PCSK5: variants seen among roughly 807,000 people sequenced by gnomAD.
PCSK5 encodes the protein prohormone convertase 5.
In PCSK5, 129 loss-of-function variants were observed where a neutral mutation model predicts 233.2. The ratio of observed to expected loss-of-function variants is 0.55; its 90% CI spans 0.48 to 0.64. PCSK5 has a LOEUF of 0.64. Among genes scored for constraint, PCSK5 ranks in the 30% least tolerant of loss-of-function variants. PCSK5 has a pLI of 0.00. For synonymous variants in PCSK5, 825 were observed against 879.2 expected (o/e 0.94, Z 1.09); for missense variants, 2,076 against 2,430.1 (o/e 0.85, Z 3.06).
At chr9:75,906,583 C>G (rs1438680363) in intron 1 of PCSK5, among the ~76,000 whole-genome samples, 1 of 152,074 alleles carries the variant, frequency 6.6e-6, no homozygotes, top group African/African-American at 2.4e-5. Flanking sequence ...CAGATGAGGT[C>G]TTTGTAAAGG....
chr9:75,990,462 A>T (rs1488640780), intron 3 of PCSK5, among the ~76,000 whole-genome samples: 1 of 152,194 alleles, frequency 6.6e-6, no homozygotes, highest in Non-Finnish European at 1.5e-5. Flanking sequence ...TATGGAGATG[A>T]TAGCTGTATA....
intron 11 of PCSK5, 144 bp downstream of exon 11, chr9:76,157,306 C>T (rs1291660515): frequency 5.6e-5 from 35 of 626,946 alleles, no homozygotes; most frequent in African/African-American, 2.6e-4. Context: ...GGTAATAGAA[C>T]GGCTAGGATT....
At chr9:76,022,750 GT>G (rs1185412959) in intron 3 of PCSK5, among the ~76,000 whole-genome samples, 1 of 152,146 alleles carries the variant, frequency 6.6e-6, no homozygotes, top group African/African-American at 2.4e-5. Context: ...ATGAGCTCAG[GT>G]TCCATGTTTT....
At chr9:76,270,103 C>G (rs1311419087) in intron 24 of PCSK5, among the ~76,000 whole-genome samples, 1 of 151,654 alleles carries the variant, frequency 6.6e-6, no homozygotes, top group Non-Finnish European at 1.5e-5. Flanking sequence ...TTTCAGATAA[C>G]AGGACTTGTT....
chr9:75,953,868 G>A (rs1824977725), intron 2 of PCSK5, among the ~76,000 whole-genome samples: 1 of 152,150 alleles, frequency 6.6e-6, no homozygotes, highest in Non-Finnish European at 1.5e-5. Context: ...TAAGAGTTGA[G>A]TAGAGATGGC....
intron 9 of PCSK5, among the ~76,000 whole-genome samples, chr9:76,117,966 GGA>G (rs1832492888): frequency 6.6e-6 from 1 of 152,092 alleles, no homozygotes; most frequent in Admixed American, 6.6e-5. Flanking sequence ...CGAGCTTCCT[GGA>G]GAGAGTATGA....
At chr9:76,192,724 A>G (rs527434585) in intron 20 of PCSK5, among the ~76,000 whole-genome samples, 11 of 152,240 alleles carry the variant, frequency 7.2e-5, no homozygotes, top group Admixed American at 1.3e-4. Context: ...AACAAAACAG[A>G]ATGTTACATA....
chr9:76,009,289 C>G (rs1367479100), intron 3 of PCSK5, among the ~76,000 whole-genome samples: 1 of 151,318 alleles, frequency 6.6e-6, no homozygotes, highest in Non-Finnish European at 1.5e-5. Context: ...TGGACTAAAA[C>G]TTTTTTTTTC....
At chr9:75,905,480 G>T (rs922970128) in intron 1 of PCSK5, among the ~76,000 whole-genome samples, 4 of 152,242 alleles carry the variant, frequency 2.6e-5, no homozygotes, top group Non-Finnish European at 5.9e-5. Context: ...TGGTGCCACT[G>T]CATTCCAGCC....
At chr9:75,989,696 A>G (rs1180943802) in intron 3 of PCSK5, among the ~76,000 whole-genome samples, 1 of 152,138 alleles carries the variant, frequency 6.6e-6, no homozygotes, top group Non-Finnish European at 1.5e-5. Context: ...GGGCCTCACC[A>G]CAGGGCTGTG....
At chr9:76,148,532 C>A (rs1304377250) in intron 10 of PCSK5, among the ~76,000 whole-genome samples, 1 of 151,966 alleles carries the variant, frequency 6.6e-6, no homozygotes, top group East Asian at 1.9e-4. Flanking sequence ...TGCACAAGGC[C>A]CTCTCTATGT....
chr9:76,351,287 C>T (rs1830114900), intron 36 of PCSK5, among the ~76,000 whole-genome samples: 1 of 151,812 alleles, frequency 6.6e-6, no homozygotes, highest in Non-Finnish European at 1.5e-5. Flanking sequence ...CTGGTCTAAG[C>T]AGAAATGTGT....
At position 76,214,294 on chromosome 9, in the gene PCSK5, T is replaced by TCTCA. The variant is rs1554707465; in HGVS notation, c.2627-13208_2627-13207insTCAC. 1.5e-4 allele frequency among the ~76,000 whole-genome samples: 23 copies of TCTCA among 150,764 alleles called. No homozygotes were observed. In the East Asian group the frequency reaches 4.5e-3, roughly 30 times the overall value. ...TGTTTGACTTTTTCCCCACATTCAC[T>TCTCA]CACACACACACACGTGCACACACAC... is the stretch of plus-strand genomic sequence containing the variant. On this transcript the variant is annotated intron_variant, in intron 20 of 37. Coordinates refer to ENST00000674117, the MANE Select transcript of PCSK5 (RefSeq NM_001372043.1).
intron 2 of PCSK5, among the ~76,000 whole-genome samples, chr9:75,978,197 A>G (rs1826113377): frequency 6.6e-6 from 1 of 152,190 alleles, no homozygotes; most frequent in South Asian, 2.1e-4. Context: ...ATCCCTACCA[A>G]GAAATGTATT....
chr9:76,268,024 G>A (rs1827392813), intron 24 of PCSK5, among the ~76,000 whole-genome samples: 1 of 152,072 alleles, frequency 6.6e-6, no homozygotes, highest in Non-Finnish European at 1.5e-5. Flanking sequence ...TCTAACGTGG[G>A]ACTGGTGAGG....
intron 5 of PCSK5, among the ~76,000 whole-genome samples, chr9:76,036,345 G>A (rs1176601022): frequency 6.6e-6 from 1 of 152,164 alleles, no homozygotes; most frequent in Non-Finnish European, 1.5e-5. Flanking sequence ...TTAAATAAAA[G>A]TGGAAAGGAA....
chr9:76,210,391 G>A (rs1266536919), intron 20 of PCSK5, among the ~76,000 whole-genome samples: 1 of 152,122 alleles, frequency 6.6e-6, no homozygotes, highest in Admixed American at 6.6e-5. Context: ...GGGTCAGTTC[G>A]CTCCCTCTTC....
At chr9:76,205,270 AT>A (rs1718229756) in intron 20 of PCSK5, 2 of 518,586 alleles carry the variant, frequency 3.9e-6, no homozygotes. Flanking sequence ...AAACACGATG[AT>A]CCAGAGCTGG....
At chr9:76,148,849 GA>G (rs550928786) in intron 10 of PCSK5, among the ~76,000 whole-genome samples, 208 of 152,232 alleles carry the variant, frequency 1.4e-3, no homozygotes, top group Non-Finnish European at 2.1e-3. Flanking sequence ...AATCTTTCCA[GA>G]ATATCAATTC....
Sources: allele counts gnomAD v4.1 joint callset (sites outside exome capture counted in the v4.1 genomes callset), GRCh38; gene constraint gnomAD v4.1.1; transcripts MANE v1.5; gene names NCBI Gene and HGNC (gene_info 2026-07-23, HGNC 2026-07-21).